UNC5C: variants seen among roughly 807,000 people sequenced by gnomAD.
The protein encoded by UNC5C is unc-5 netrin receptor C.
UNC5C carries 47 observed loss-of-function variants against 99.8 expected under a neutral mutation model. The ratio of observed to expected loss-of-function variants is 0.47; its 90% CI spans 0.37 to 0.60. The LOEUF (loss-of-function observed/expected upper bound fraction) is 0.60. UNC5C is among the 20% of genes least tolerant of loss of function. The pLI is 0.00. For missense variants in UNC5C, 1,062 were observed against 1,165.9 expected (o/e 0.91, Z 1.30); for synonymous variants, 487 against 452.2 (o/e 1.08, Z -0.98).
chr4:95,400,120 C>T (rs1385175660), intron 1 of UNC5C, among the ~76,000 whole-genome samples: 4 of 152,170 alleles, frequency 2.6e-5, no homozygotes, highest in Admixed American at 2.6e-4. Flanking sequence ...ACATTCTAAG[C>T]AGGTAATAAT....
At chr4:95,525,414 T>C (rs1040497539) in intron 1 of UNC5C, among the ~76,000 whole-genome samples, 1 of 152,046 alleles carries the variant, frequency 6.6e-6, no homozygotes, top group Non-Finnish European at 1.5e-5. Flanking sequence ...TTCTATTCAG[T>C]CAAGATTTAT....
intron 1 of UNC5C, among the ~76,000 whole-genome samples, chr4:95,363,764 A>G (rs1253258762): frequency 6.6e-6 from 1 of 152,106 alleles, no homozygotes; most frequent in African/African-American, 2.4e-5. Context: ...CAGCTACAGT[A>G]CCCCTTGACA....
At chr4:95,514,733 C>T (rs1843381) in intron 1 of UNC5C, among the ~76,000 whole-genome samples, 2 of 150,914 alleles carry the variant, frequency 1.3e-5, no homozygotes, top group Admixed American at 1.3e-4. Context: ...TGTGCAATGG[C>T]GAGATCTTGG....
chr4:95,398,424 TTCATTCAC>T (rs1745588837), intron 1 of UNC5C, among the ~76,000 whole-genome samples: 2 of 149,850 alleles, frequency 1.3e-5, no homozygotes, highest in South Asian at 4.3e-4. Context: ...CTAATCTAAC[TTCATTCAC>T]TCATTCATTC....
chr4:95,175,396 C>G (rs1280159463), intron 14 of UNC5C, among the ~76,000 whole-genome samples: 2 of 151,674 alleles, frequency 1.3e-5, no homozygotes, highest in Non-Finnish European at 3.0e-5. Flanking sequence ...TGTTCCTTTC[C>G]ATGTTTAGTG....
At chr4:95,528,249 C>A (rs1006104269) in intron 1 of UNC5C, among the ~76,000 whole-genome samples, 2 of 152,052 alleles carry the variant, frequency 1.3e-5, no homozygotes, top group African/African-American at 4.8e-5. Flanking sequence ...TTTGAACTTA[C>A]CTGAAGAATT....
intron 10 of UNC5C, among the ~76,000 whole-genome samples, chr4:95,207,147 G>C (rs1226723863): frequency 5.3e-5 from 8 of 152,090 alleles, no homozygotes. Context: ...AGTTACATAA[G>C]CAGATTTTCT....
chr4:95,546,254 T>C (rs1329105489), intron 1 of UNC5C, among the ~76,000 whole-genome samples: 1 of 152,216 alleles, frequency 6.6e-6, no homozygotes, highest in East Asian at 1.9e-4. Context: ...GCTAGTGTTC[T>C]AGTCCAAGGA....
At chr4:95,247,451 T>C (rs919114237) in intron 5 of UNC5C, among the ~76,000 whole-genome samples, 5 of 152,164 alleles carry the variant, frequency 3.3e-5, no homozygotes, top group African/African-American at 1.2e-4. Context: ...CTTACTAGCA[T>C]ACTGGCAAGC....
intron 1 of UNC5C, among the ~76,000 whole-genome samples, chr4:95,372,500 G>C (rs1194917743): frequency 6.6e-6 from 1 of 152,080 alleles, no homozygotes; most frequent in Non-Finnish European, 1.5e-5. Context: ...TGCTCTGTTA[G>C]GTATTATTGA....
chr4:95,169,274 T>C lies in UNC5C; in HGVS notation c.2756A>G (p.His919Arg). ...LAAVLEEMGR[H>R]ETVVSLAAEG... ...TGCTGCTAAGGACACCACCGTTTCA[T>C]GTCTTCCCATTTCTTCCAAGACAGC... The change falls in exon 16 of 16, where the codon CAT becomes CGT. Residue 919 changes from histidine to arginine, a missense_variant. By Grantham distance (29) the His-to-Arg change is conservative. Transcript: ENST00000453304. 6.2e-7 allele frequency: 1 copy of C among 1,614,186 alleles called. No homozygotes were observed. The highest frequency in any genetic ancestry group is 8.5e-7 in the Non-Finnish European group (1 of 1,180,036).
intron 1 of UNC5C, among the ~76,000 whole-genome samples, chr4:95,417,589 A>C (rs1031407483): frequency 3.9e-5 from 6 of 152,202 alleles, no homozygotes; most frequent in African/African-American, 1.4e-4. Flanking sequence ...TTAGCAATAC[A>C]TAAAATCTCT....
At chr4:95,354,398 T>A (rs933665891) in intron 1 of UNC5C, among the ~76,000 whole-genome samples, 1 of 151,076 alleles carries the variant, frequency 6.6e-6, no homozygotes, top group South Asian at 2.1e-4. Context: ...TATCATCCTA[T>A]GCACACAACA....
intron 4 of UNC5C, 62 bp downstream of exon 4, chr4:95,278,197 T>A: frequency 7.4e-7 from 1 of 1,347,316 alleles, no homozygotes; most frequent in Non-Finnish European, 1.1e-6. Context: ...TAGCCATGGA[T>A]TAGGCCTCTG....
chr4:95,468,312 C>T (rs1747861414), intron 1 of UNC5C, among the ~76,000 whole-genome samples: 1 of 152,010 alleles, frequency 6.6e-6, no homozygotes, highest in Admixed American at 6.6e-5. Context: ...TCTGGTACTG[C>T]TTCTTCTCTG....
intron 1 of UNC5C, among the ~76,000 whole-genome samples, chr4:95,531,683 G>C (rs1474291969): frequency 6.6e-6 from 1 of 152,162 alleles, no homozygotes; most frequent in African/African-American, 2.4e-5. Flanking sequence ...GTCAATTACA[G>C]GGAAACACTG....
At chr4:95,351,863 A>G (rs1226942517) in intron 1 of UNC5C, among the ~76,000 whole-genome samples, 1 of 151,644 alleles carries the variant, frequency 6.6e-6, no homozygotes, top group East Asian at 1.9e-4. Context: ...TGCCCCTTCA[A>G]CCTCTCGGCC....
At chr4:95,388,527 A>G (rs2149444294) in intron 1 of UNC5C, among the ~76,000 whole-genome samples, 1 of 152,296 alleles carries the variant, frequency 6.6e-6, no homozygotes. Flanking sequence ...TTTAGGGTTT[A>G]TGCTCCTTGA....
intron 14 of UNC5C, 41 bp downstream of exon 14, chr4:95,182,856 T>A: frequency 1.3e-6 from 2 of 1,586,360 alleles, no homozygotes; most frequent in Non-Finnish European, 1.7e-6. Context: ...TTCCTGAGTG[T>A]CGCACTCTCC....
Sources: gnomAD v4.1 joint callset for allele counts (sites outside exome capture counted in the v4.1 genomes callset) on GRCh38, gnomAD v4.1.1 for gene constraint, MANE v1.5 for transcripts, NCBI Gene and HGNC (gene_info 2026-07-23, HGNC 2026-07-21) for gene names.